NKAIN3: variants seen among roughly 807,000 people sequenced by gnomAD.
NKAIN3 encodes sodium/potassium transporting ATPase interacting 3, also known as sodium/potassium-transporting ATPase subunit beta-1-interacting protein 3.
NKAIN3 carries 25 observed loss-of-function variants against 30.2 expected under a neutral mutation model. The observed-to-expected ratio is 0.83, with a 90% CI of 0.60 to 1.16. The LOEUF (loss-of-function observed/expected upper bound fraction) is 1.16, where lower values mean the gene tolerates loss of function less well. Ranked by LOEUF, NKAIN3 falls within the 50% of genes most tolerant of loss-of-function variation. NKAIN3 has a pLI of 0.00. For synonymous variants in NKAIN3, 91 were observed against 89.6 expected, an observed-to-expected ratio of 1.02 and a Z score of -0.09; for missense variants, 225 against 254.1, an observed-to-expected ratio of 0.89 and a Z score of 0.78.
intron 5 of NKAIN3, among the ~76,000 whole-genome samples, chr8:62,942,215 C>T (rs1482672609): frequency 2.6e-5 from 1 of 38,502 alleles, no homozygotes; most frequent in African/African-American, 1.1e-4. Flanking sequence ...TATATATACA[C>T]ATATATATAC....
chr8:62,706,503 C>A (rs1814526000), intron 3 of NKAIN3, among the ~76,000 whole-genome samples: 1 of 152,004 alleles, frequency 6.6e-6, no homozygotes, highest in Non-Finnish European at 1.5e-5. Context: ...CTACTGATGG[C>A]AGTTTCCATT....
intron 4 of NKAIN3, among the ~76,000 whole-genome samples, chr8:62,843,019 G>A (rs1819576472): frequency 6.6e-6 from 1 of 152,004 alleles, no homozygotes; most frequent in African/African-American, 2.4e-5. Context: ...AAATTAAGAA[G>A]CTTCTGCACA....
At chr8:62,889,401 T>C (rs993995927) in intron 4 of NKAIN3, among the ~76,000 whole-genome samples, 1 of 151,788 alleles carries the variant, frequency 6.6e-6, no homozygotes, top group Non-Finnish European at 1.5e-5. Flanking sequence ...TAAAATAAAA[T>C]AAAACAAAAC....
At chr8:62,993,850 T>C (rs935629497) in intron 5 of NKAIN3, among the ~76,000 whole-genome samples, 5 of 152,142 alleles carry the variant, frequency 3.3e-5, no homozygotes, top group African/African-American at 1.2e-4. Flanking sequence ...CTTTTCTCAT[T>C]GAGATAATTT....
At chr8:62,592,005 A>C (rs1022372638) in intron 3 of NKAIN3, among the ~76,000 whole-genome samples, 42 of 152,010 alleles carry the variant, frequency 2.8e-4, no homozygotes, top group African/African-American at 1.0e-3. Flanking sequence ...ACTTCTTGGA[A>C]TTATCCATTT....
chr8:62,671,413 C>T lies in NKAIN3; in HGVS notation c.274-75519C>T, dbSNP rs1813299571. On this transcript the variant is annotated intron_variant, in intron 3 of 6. Coordinates refer to ENST00000623646, the MANE Select transcript of NKAIN3 (RefSeq NM_001304533.3). ...AATAGAGATAAGTAAGCACAATAAA[C>T]ATCTCTTCTTCATGACATCAGAAAG... Among the ~76,000 whole-genome samples the T allele has an allele frequency of 2.6e-5, 4 of 152,118 alleles. No homozygotes were observed. The South Asian group carries it at 8.3e-4, about 32-fold the overall frequency.
At chr8:62,496,761 T>C (rs138581157) in intron 1 of NKAIN3, among the ~76,000 whole-genome samples, 2 of 152,316 alleles carry the variant, frequency 1.3e-5, no homozygotes, top group African/African-American at 4.8e-5. Flanking sequence ...ACGTGTTGTA[T>C]AACATGATTA....
chr8:62,290,377 G>T (rs1297621782), intron 1 of NKAIN3, among the ~76,000 whole-genome samples: 1 of 152,112 alleles, frequency 6.6e-6, no homozygotes, highest in Non-Finnish European at 1.5e-5. Flanking sequence ...TTGGCTGTGG[G>T]TTTGTCATAA....
intron 1 of NKAIN3, among the ~76,000 whole-genome samples, chr8:62,472,249 A>ACC (rs1806377459): frequency 6.6e-6 from 1 of 152,068 alleles, no homozygotes; most frequent in Non-Finnish European, 1.5e-5. Flanking sequence ...TGAAATAAAA[A>ACC]CTGAATCAGG....
chr8:62,961,894 G>A (rs969407128), intron 6 of NKAIN3, among the ~76,000 whole-genome samples: 4 of 151,940 alleles, frequency 2.6e-5, no homozygotes, highest in Non-Finnish European at 5.9e-5. Flanking sequence ...TTACATTATC[G>A]ATGCTTACAA....
intron 1 of NKAIN3, among the ~76,000 whole-genome samples, chr8:62,391,740 C>T (rs546628401): frequency 1.8e-4 from 27 of 151,904 alleles, no homozygotes; most frequent in African/African-American, 6.3e-4. Flanking sequence ...TAATAAGAAA[C>T]GTTATCTAAG....
intron 1 of NKAIN3, among the ~76,000 whole-genome samples, chr8:62,274,243 C>T (rs538170264): frequency 1.5e-5 from 2 of 133,038 alleles, no homozygotes; most frequent in African/African-American, 5.5e-5. Flanking sequence ...TGGAACCAAA[C>T]TGCATCCCAT....
rs565341998 is a variant in NKAIN3 at position 62,538,665 on chromosome 8, T to C, written c.55-40874T>C. ...TTCTACTAGTAACAAATTTCAGATA[T>C]TCCATATCACTAAATATGATTTCAG... On this transcript the variant is annotated intron_variant, in intron 1 of 6. Coordinates refer to ENST00000623646, the MANE Select transcript of NKAIN3 (RefSeq NM_001304533.3). Among the ~76,000 whole-genome samples, 4 of 152,338 alleles carry C rather than the reference T, an allele frequency of 2.6e-5. No individual in the cohort carries two copies. The East Asian group carries it at 7.7e-4, about 29-fold the overall frequency.
chr8:62,306,771 C>A (rs1490501925), intron 1 of NKAIN3, among the ~76,000 whole-genome samples: 1 of 149,538 alleles, frequency 6.7e-6, no homozygotes, highest in Admixed American at 6.6e-5. Context: ...GACCACTGAG[C>A]AGATATGTAC....
chr8:62,827,361 C>T (rs1056300943), intron 4 of NKAIN3, among the ~76,000 whole-genome samples: 1 of 152,062 alleles, frequency 6.6e-6, no homozygotes, highest in African/African-American at 2.4e-5. Flanking sequence ...TCAAGTGTGC[C>T]AGGGAAAAAA....
At chr8:62,925,622 G>A (rs1297817572) in intron 5 of NKAIN3, among the ~76,000 whole-genome samples, 1 of 152,240 alleles carries the variant, frequency 6.6e-6, no homozygotes, top group Admixed American at 6.5e-5. Context: ...CAGTGATGGT[G>A]GTCCTAACTG....
chr8:62,864,707 C>A (rs968039009), intron 4 of NKAIN3, among the ~76,000 whole-genome samples: 1 of 152,120 alleles, frequency 6.6e-6, no homozygotes, highest in Non-Finnish European at 1.5e-5. Context: ...GTTTCAGCCT[C>A]CAGTACTGGG....
chr8:62,953,593 C>T (rs754334706), intron 5 of NKAIN3, among the ~76,000 whole-genome samples: 162 of 152,240 alleles, frequency 1.1e-3, no homozygotes, highest in Non-Finnish European at 1.7e-3. Context: ...GGAGAAAGGG[C>T]ATGTCTGTAT....
chr8:62,293,998 T>C (rs1256092766), intron 1 of NKAIN3, among the ~76,000 whole-genome samples: 1 of 152,086 alleles, frequency 6.6e-6, no homozygotes, highest in East Asian at 1.9e-4. Flanking sequence ...GCTGTGCTAG[T>C]AGTGAGCGAG....
Sources: allele counts gnomAD v4.1 joint callset (sites outside exome capture counted in the v4.1 genomes callset), GRCh38; gene constraint gnomAD v4.1.1; transcripts MANE v1.5; gene names NCBI Gene and HGNC (gene_info 2026-07-23, HGNC 2026-07-21).